The following SLFN11 variants were observed in gnomAD, a reference collection of about 807,000 sequenced individuals.
SLFN11 encodes schlafen family member 11.
A neutral mutation model predicts 53.4 loss-of-function variants in SLFN11; 43 were observed. The observed-to-expected ratio is 0.80, with a 90% CI of 0.63 to 1.04. SLFN11 has a LOEUF of 1.04. SLFN11 is among the 50% of genes least tolerant of loss of function. The pLI is 0.00. For synonymous variants in SLFN11, 389 were observed against 394.7 expected, an observed-to-expected ratio of 0.99 and a Z score of 0.17; for missense variants, 990 against 1,079.1, an observed-to-expected ratio of 0.92 and a Z score of 1.16.
chr17:35,357,241 T>C (rs575185368), intron 5 of SLFN11, among the ~76,000 whole-genome samples: 1 of 151,742 alleles, frequency 6.6e-6, no homozygotes, highest in Admixed American at 6.6e-5. Context: ...TTGGTTGTGA[T>C]ACGGGTTGCA....
chr17:35,352,860 T>G lies in SLFN11; in HGVS notation c.2202A>C (p.Ala734=). 2 of 1,614,236 alleles carry G rather than the reference T, an allele frequency of 1.2e-6. No homozygotes were observed. Among genetic ancestry groups the G allele is most frequent in the Non-Finnish European group, 1.7e-6 (2 of 1,180,040 alleles). ...REELTRIVRN[A]DPIAKYLQKE... ...TTTGTAAGTACTTGGCTATTGGATC[T>G]GCATTGCGAACTATTCTGGTGAGCT... The change falls in exon 7 of 7, where the codon GCA becomes GCC. Residue 734 remains alanine, a synonymous_variant. Transcript: ENST00000685675.
rs553701515 is a variant in SLFN11, at chr17:35,353,153, A to G, written c.1923-14T>C. ...ATATTTCTATCACTGTAAAAATTAA[A>G]AGAACACACTCAGGTTTTCTCTAAA... On this transcript the variant is annotated splice_polypyrimidine_tract_variant and intron_variant, in intron 6 of 6. Transcript: ENST00000685675. The G allele has an allele frequency of 1.9e-6, 3 of 1,607,710 alleles. No individual in the cohort carries two copies. Among genetic ancestry groups the G allele is most frequent in the African/African-American group, 1.3e-5 (1 of 74,544 alleles).
chr17:35,352,739 C>T lies in SLFN11; in HGVS notation c.2323G>A (p.Gly775Arg). ...PEAEWSQGVQ[G>R]TLRIKKYLTV... ...AAGTATTTCTTAATTCGTAAGGTTC[C>T]CTGAACACCCTGGGACCATTCGGCT... is the stretch of plus-strand genomic sequence containing the variant. Residue 775 changes from glycine (G) to arginine (R), a missense_variant, in exon 7 of 7, where the codon GGA (glycine) becomes AGA (arginine). This residue lies in a region of SLFN11 where 313 missense variants were observed against 320.9 expected (regional missense o/e 0.98). Coordinates refer to ENST00000685675, the MANE Select transcript of SLFN11 (RefSeq NM_001376007.1). The T allele has an allele frequency of 1.9e-6, 3 of 1,614,146 alleles. No homozygotes were observed. Among genetic ancestry groups the T allele is most frequent in the Non-Finnish European group, 2.5e-6 (3 of 1,180,036 alleles).
intron 1 of SLFN11, among the ~76,000 whole-genome samples, chr17:35,370,020 A>G (rs1166320936): frequency 6.6e-6 from 1 of 152,184 alleles, no homozygotes; most frequent in Non-Finnish European, 1.5e-5. Context: ...CTATAAGGCC[A>G]GTATTACTGA....
chr17:35,360,388 C>T lies in SLFN11; in HGVS notation c.1070-17G>A, dbSNP rs973427405. On this transcript the variant is annotated splice_polypyrimidine_tract_variant and intron_variant, in intron 4 of 6. Transcript: ENST00000685675. ...GTAGAAGATCTTAAGAAAGAAAATT[C>T]ATGTTATTCTGACGTGTTAATCTCT... 13 of 1,593,112 alleles carry T rather than the reference C, an allele frequency of 8.2e-6. No individual in the cohort carries two copies. Among genetic ancestry groups the T allele is most frequent in the Non-Finnish European group, 1.1e-5 (13 of 1,173,462 alleles).
intron 1 of SLFN11, among the ~76,000 whole-genome samples, chr17:35,370,636 T>C (rs1335200527): frequency 6.6e-6 from 1 of 152,040 alleles, no homozygotes; most frequent in Non-Finnish European, 1.5e-5. Flanking sequence ...AGTTGCAGGA[T>C]ACAAAATAAA....
chr17:35,363,896 T>C, intron 3 of SLFN11, 70 bp from the exon 4 acceptor site: 3 of 1,261,360 alleles, frequency 2.4e-6, no homozygotes, highest in Non-Finnish European at 2.2e-6. Context: ...TTGTGTCTAA[T>C]ATGTGCTGAG....
At chr17:35,372,920 A>G (rs1909873909) in intron 1 of SLFN11, among the ~76,000 whole-genome samples, 1 of 151,928 alleles carries the variant, frequency 6.6e-6, no homozygotes, top group South Asian at 2.1e-4. Context: ...AGAGGGAGAC[A>G]TTTTTCTCAT....
At chr17:35,372,151 T>C (rs1909756012) in intron 1 of SLFN11, among the ~76,000 whole-genome samples, 1 of 152,130 alleles carries the variant, frequency 6.6e-6, no homozygotes, top group Non-Finnish European at 1.5e-5. Context: ...TAGAAAAGAA[T>C]GAGATCCAAT....
In SLFN11 at chr17:35,352,776, C is replaced by T. The variant is rs1480252858; in HGVS notation, c.2286G>A (p.Glu762=). 6.2e-6 allele frequency: 10 copies of T among 1,614,076 alleles called. No individual in the cohort carries two copies. The African/African-American group carries it at 1.2e-4, about 19-fold the overall frequency. ...GGGACCATTCGGCTTCAGGAAATAC[C>T]TCGAGGCACCCAGTGGGGATGTTAA... The part of the protein sequence containing the change: ...PSFNIPTGCL[E]VFPEAEWSQG... The change falls in exon 7 of 7, where the codon GAG becomes GAA. Residue 762 remains glutamate (E), a synonymous_variant. Transcript: ENST00000685675.
chr17:35,364,619 T>A (rs760746904), intron 3 of SLFN11, among the ~76,000 whole-genome samples: 5 of 152,170 alleles, frequency 3.3e-5, no homozygotes, highest in South Asian at 2.1e-4. Context: ...TTCATGGAGA[T>A]GGCTTGAATT....
At chr17:35,357,303 C>T (rs1371663260) in intron 5 of SLFN11, among the ~76,000 whole-genome samples, 1 of 151,876 alleles carries the variant, frequency 6.6e-6, no homozygotes, top group Non-Finnish European at 1.5e-5. Flanking sequence ...AGTGGCTTTA[C>T]TCATGCACAA....
intron 1 of SLFN11, among the ~76,000 whole-genome samples, chr17:35,368,048 G>A (rs916190679): frequency 5.9e-5 from 9 of 152,004 alleles, no homozygotes; most frequent in African/African-American, 2.2e-4. Flanking sequence ...CTCCCTAAAA[G>A]GTGAGGAATT....
At chr17:35,371,256 C>T (rs1909616207) in intron 1 of SLFN11, among the ~76,000 whole-genome samples, 1 of 152,096 alleles carries the variant, frequency 6.6e-6, no homozygotes, top group African/African-American at 2.4e-5. Context: ...ACTGGGAAAA[C>T]TGGATATCTA....
In SLFN11 at chr17:35,354,307, G is replaced by C. The variant is rs550096065; in HGVS notation, c.1199-248C>G. On this transcript the variant is annotated intron_variant, in intron 5 of 6. Transcript: ENST00000685675. ...AAATTCCTTAGCCTAAGACTTTGCT[G>C]TCTCATCTGTAAAACAAAACTAAGA... Among the ~76,000 whole-genome samples the C allele has an allele frequency of 1.9e-3, 292 of 152,168 alleles. 4 individuals are homozygous for C. The highest frequency in any genetic ancestry group is 2.5e-3 in the Admixed American group (38 of 15,284).
chr17:35,360,847 G>A (rs562147874), intron 4 of SLFN11, among the ~76,000 whole-genome samples: 1 of 152,074 alleles, frequency 6.6e-6, no homozygotes, highest in Non-Finnish European at 1.5e-5. Flanking sequence ...GCTTGTGCCT[G>A]TAGCCTCAGC....
In SLFN11 at chr17:35,353,110, C is replaced by T. The variant is rs766121622; in HGVS notation, c.1952G>A (p.Arg651Gln). 13 of 1,613,804 alleles carry T rather than the reference C, an allele frequency of 8.1e-6. No homozygotes were observed. Among genetic ancestry groups the T allele is most frequent in the South Asian group, 2.2e-5 (2 of 91,058 alleles). ...SDRNICRAET[R>Q]KTFLRENFEH... ...AAAGTTTTCTCTTAGGAAAGTTTTC[C>T]GGGTCTCTGCTCGGCAGATATTTCT... The change falls in exon 7 of 7, where the codon CGG becomes CAG. Residue 651 changes from arginine (R) to glutamine (Q), a missense_variant. Arg to Gln is a conservative substitution (Grantham distance 43). Around this residue, in one of 3 missense-constraint regions of SLFN11, gnomAD observed 313 missense variants for 320.9 expected, o/e 0.98. Coordinates refer to ENST00000685675, the MANE Select transcript of SLFN11 (RefSeq NM_001376007.1).
intron 4 of SLFN11, among the ~76,000 whole-genome samples, chr17:35,361,658 A>G (rs1309824428): frequency 6.6e-6 from 1 of 152,076 alleles, no homozygotes; most frequent in Non-Finnish European, 1.5e-5. Flanking sequence ...CTGAGCTACA[A>G]AATCAACAAT....
Position 35,363,554 on chromosome 17 carries a change from A to C in SLFN11, c.254T>G (p.Ile85Ser), listed in dbSNP as rs1209970411. 6.2e-7 allele frequency: 1 copy of C among 1,614,054 alleles called. No homozygotes were observed. Among genetic ancestry groups the C allele is most frequent in the Non-Finnish European group, 8.5e-7 (1 of 1,179,984 alleles). Residue 85 changes from isoleucine to serine, a missense_variant, in exon 4 of 7, where the codon ATT (isoleucine) becomes AGT (serine). This residue lies in a region of SLFN11 where 521 missense variants were observed against 516.2 expected (regional missense o/e 1.01). Transcript: ENST00000685675. ...LDLEQSLREL[I>S]QSSDLQAFFE... ...GAAAGCCTGCAGATCTGAAGACTGA[A>C]TAAGCTCTCTCAAAGACTGTTCTAA... is the stretch of plus-strand genomic sequence containing the variant.
Sources: allele counts gnomAD v4.1 joint callset (sites outside exome capture counted in the v4.1 genomes callset), GRCh38; gene constraint gnomAD v4.1.1; regional missense constraint gnomAD v4.1.1; transcripts MANE v1.5; gene names NCBI Gene and HGNC (gene_info 2026-07-23, HGNC 2026-07-21).